Variants in FRK observed in about 807,000 individuals in gnomAD.
The protein encoded by FRK is tyrosine-protein kinase FRK.
In FRK, 51 loss-of-function variants were observed where a neutral mutation model predicts 56.4. That is an observed-to-expected ratio of 0.90 (90% CI 0.72 to 1.14). The LOEUF (loss-of-function observed/expected upper bound fraction) is 1.14, where lower values mean the gene tolerates loss of function less well. FRK is among the 50% of genes most tolerant of loss of function. The pLI is 0.00. For synonymous variants in FRK, 245 were observed against 217.9 expected (o/e 1.12, Z -1.10); for missense variants, 570 against 601.4 (o/e 0.95, Z 0.55).
chr6:116,087,140 G>C, the FRK span, among the ~76,000 whole-genome samples: 1 of 152,170 alleles, frequency 6.6e-6, no homozygotes, highest in African/African-American at 2.4e-5. Flanking sequence ...TTTTATTGTA[G>C]TTATCAGGTT....
In FRK at chr6:115,943,024, G is replaced by C; in HGVS notation, c.1302C>G (p.Tyr434Ter). The C allele has an allele frequency of 6.2e-7, 1 of 1,611,344 alleles. No homozygotes were observed. Among genetic ancestry groups the C allele is most frequent in the Non-Finnish European group, 8.5e-7 (1 of 1,178,964 alleles). Residue 434 changes from tyrosine to a stop codon, truncating the protein, a stop_gained, in exon 7 of 8, where the codon TAC becomes TAG. Coordinates refer to ENST00000606080, the MANE Select transcript of FRK (RefSeq NM_002031.3). LOFTEE classifies it high-confidence loss of function. ...YEIITYGKMP[Y>*]SGMTGAQVIQ... ...ACTTCAGAATTAATTACTCACCACT[G>C]TAAGGCATTTTGCCATAAGTAATGA...
rs532464780 is a variant in FRK, at chr6:116,027,315, T to C, written c.345-23317A>G. Among the ~76,000 whole-genome samples, 14 of 152,244 alleles carry C rather than the reference T, an allele frequency of 9.2e-5. 1 individual carries two copies. The South Asian group carries it at 2.9e-3, about 32-fold the overall frequency. ...CAGCATAATTTTTTAAACTGTCAAATAGGTTGACAGAAGAAAATACTTATA... is the reference window on the plus strand; with the variant it reads ...CAGCATAATTTTTTAAACTGTCAAACAGGTTGACAGAAGAAAATACTTATA... On this transcript the variant is annotated intron_variant, in intron 1 of 7. Transcript: ENST00000606080.
intron 2 of FRK, among the ~76,000 whole-genome samples, chr6:115,991,324 A>G (rs987769449): frequency 7.9e-5 from 12 of 151,852 alleles, no homozygotes; most frequent in Non-Finnish European, 1.8e-4. Context: ...AGGAGTGGTG[A>G]GAGTGGACAT....
the FRK span, among the ~76,000 whole-genome samples, chr6:116,078,053 T>C: frequency 6.6e-6 from 1 of 152,096 alleles, no homozygotes. Context: ...CCAGCTACTC[T>C]GGAGGCTGAG....
chr6:116,010,064 A>G (rs1775404417), intron 1 of FRK, among the ~76,000 whole-genome samples: 1 of 152,086 alleles, frequency 6.6e-6, no homozygotes, highest in African/African-American at 2.4e-5. Flanking sequence ...CATCTCTACT[A>G]AAAATACAAA....
the FRK span, among the ~76,000 whole-genome samples, chr6:116,084,246 AAAG>A: frequency 1.3e-5 from 2 of 152,226 alleles, no homozygotes; most frequent in Non-Finnish European, 2.9e-5. Context: ...CTGTTAACCA[AAAG>A]AAGATAACCA....
At chr6:116,098,838 G>A in the FRK span, among the ~76,000 whole-genome samples, 2 of 152,126 alleles carry the variant, frequency 1.3e-5, no homozygotes, top group Admixed American at 6.5e-5. Flanking sequence ...GTAGGGAATG[G>A]GAGAAGAGAA....
At chr6:115,993,341 G>T (rs1041627312) in intron 2 of FRK, among the ~76,000 whole-genome samples, 2 of 151,690 alleles carry the variant, frequency 1.3e-5, no homozygotes, top group Non-Finnish European at 3.0e-5. Context: ...ATTGAGTTTT[G>T]ATACGTAATG....
At position 116,038,900 on chromosome 6, in the gene FRK, G is replaced by A. The variant is rs570286291; in HGVS notation, c.344+21068C>T. 3.1e-3 allele frequency: 1,879 copies of A among 597,698 alleles called. 45 individuals are homozygous for A. Among genetic ancestry groups the A allele is most frequent in the South Asian group, 0.026 (1,817 of 69,770 alleles). 37.0% of individuals were successfully genotyped at this position (597,698 alleles called of 1,614,324 possible). A position where few individuals can be genotyped will look rare whatever the true frequency, so the allele number is the denominator to read the frequency against. Reference sequence around the variant, plus strand: ...TTGCACTCTCCCCACTGCCTATACCGACTTTGCCCCAGAAGCTAGAGCCCA... The same window carrying A: ...TTGCACTCTCCCCACTGCCTATACCAACTTTGCCCCAGAAGCTAGAGCCCA... On this transcript the variant is annotated intron_variant, in intron 1 of 7. Coordinates refer to ENST00000606080, the MANE Select transcript of FRK (RefSeq NM_002031.3).
upstream of FRK, among the ~76,000 whole-genome samples, chr6:116,064,920 A>T (rs532231627): frequency 5.9e-5 from 9 of 152,174 alleles, no homozygotes; most frequent in Non-Finnish European, 1.2e-4. Context: ...CATATGCCTC[A>T]TCTGTTCCCA....
intron 2 of FRK, 85 bp from the exon 3 acceptor site, chr6:115,968,824 TA>T: frequency 4.5e-6 from 5 of 1,099,344 alleles, no homozygotes; most frequent in Non-Finnish European, 6.6e-6. Flanking sequence ...TTTCAATGCA[TA>T]AAATGAAATC....
At chr6:116,028,531 C>A (rs1356703314) in intron 1 of FRK, among the ~76,000 whole-genome samples, 1 of 152,244 alleles carries the variant, frequency 6.6e-6, no homozygotes, top group South Asian at 2.1e-4. Flanking sequence ...GCTCCTTCTG[C>A]GGTCAGTGAG....
At chr6:116,006,868 T>C (rs1232249329) in intron 1 of FRK, among the ~76,000 whole-genome samples, 1 of 152,148 alleles carries the variant, frequency 6.6e-6, no homozygotes, top group Non-Finnish European at 1.5e-5. Flanking sequence ...AAATAAATTG[T>C]TCAAGGATTA....
intron 5 of FRK, among the ~76,000 whole-genome samples, chr6:115,953,178 C>CAA (rs1562253495): frequency 9.3e-6 from 1 of 106,998 alleles, no homozygotes; most frequent in African/African-American, 3.3e-5. Flanking sequence ...CATTTTAAGG[C>CAA]CATTTTTTTT....
chr6:115,998,242 C>G (rs941077798), intron 2 of FRK, among the ~76,000 whole-genome samples: 1 of 152,158 alleles, frequency 6.6e-6, no homozygotes, highest in Non-Finnish European at 1.5e-5. Flanking sequence ...CCTCTCATAT[C>G]CCCCCGGACT....
rs188836073 is a variant in FRK, at chr6:116,039,211, G to A, written c.344+20757C>T. 5 of 1,452,468 alleles carry A rather than the reference G, an allele frequency of 3.4e-6. No homozygotes were observed. In the African/African-American group the frequency reaches 4.2e-5, roughly 12 times the overall value. The allele number at this position is 1,452,468 out of a possible 1,614,324, so 90.0% of individuals were successfully genotyped here. ...GAAGAAAGAGGTCATCGCAGATAAC[G>A]TGAAGGACTGGAGCAAGGTCGTCCT... On this transcript the variant is annotated intron_variant, in intron 1 of 7. Transcript: ENST00000606080.
rs71012316 is a variant in FRK at position 115,958,766 on chromosome 6, A to AG, written c.800-2157dup. On this transcript the variant is annotated intron_variant, in intron 4 of 7. Transcript: ENST00000606080. ...AAGAAAGAAAGAAAGAAAGAAAGAA[A>AG]GAGGGGGGGGAAGGAGAGAGAGAAA... is the stretch of plus-strand genomic sequence containing the variant. Among the ~76,000 whole-genome samples, 27 of 29,616 alleles carry AG rather than the reference A, an allele frequency of 9.1e-4. 4 individuals are homozygous for AG. Among genetic ancestry groups the AG allele is most frequent in the African/African-American group, 2.4e-3 (21 of 8,626 alleles). The allele number at this position is 29,616 out of a possible 152,430, so 19.4% of individuals were successfully genotyped here. A position where few individuals can be genotyped will look rare whatever the true frequency, so the allele number is the denominator to read the frequency against.
At chr6:116,097,621 C>T in the FRK span, among the ~76,000 whole-genome samples, 1 of 152,048 alleles carries the variant, frequency 6.6e-6, no homozygotes, top group Non-Finnish European at 1.5e-5. Flanking sequence ...ATTATAGTAC[C>T]ACCTCAATTA....
chr6:116,100,444 TC>T, the FRK span, among the ~76,000 whole-genome samples: 1 of 152,212 alleles, frequency 6.6e-6, no homozygotes, highest in African/African-American at 2.4e-5. Flanking sequence ...ATGAATTTTT[TC>T]TATGATCTTA....
Sources: allele counts gnomAD v4.1 joint callset (sites outside exome capture counted in the v4.1 genomes callset), GRCh38; gene constraint gnomAD v4.1.1; transcripts MANE v1.5; gene names NCBI Gene and HGNC (gene_info 2026-07-23, HGNC 2026-07-21).